The following BCAT1 variants were observed in gnomAD, a reference collection of about 807,000 sequenced individuals.
BCAT1 encodes the protein branched-chain-amino-acid aminotransferase, cytosolic.
In BCAT1, 48 loss-of-function variants were observed where a neutral mutation model predicts 52.4. The ratio of observed to expected loss-of-function variants is 0.92; its 90% confidence interval spans 0.73 to 1.16. BCAT1 has a LOEUF of 1.16. Ranked by LOEUF, BCAT1 falls within the 50% of genes most tolerant of loss-of-function variation. BCAT1 has a pLI of 0.00. For missense variants in BCAT1, 451 were observed against 457.1 expected (o/e 0.99, Z 0.12); for synonymous variants, 167 against 161.3 (o/e 1.04, Z -0.27).
rs1939639369 is a variant in BCAT1 at position 24,810,245 on chromosome 12, C to A, written c.*7763G>T. On this transcript the variant is annotated 3_prime_UTR_variant, in exon 11 of 11. Coordinates refer to ENST00000261192, the MANE Select transcript of BCAT1 (RefSeq NM_005504.7). ...GTTTGGTTACAGAAATGCGATCCTG[C>A]AAGTTGTCACCACTATACATAAAGT... 1.3e-5 allele frequency: 2 copies of A among 152,208 alleles called. No homozygotes were observed. The highest frequency in any genetic ancestry group is 4.1e-4 in the South Asian group (2 of 4,826). 9.4% of individuals were successfully genotyped at this position (152,208 alleles called of 1,614,324 possible).
chr12:24,839,925 T>G (rs534400291), intron 7 of BCAT1, among the ~76,000 whole-genome samples: 1 of 152,340 alleles, frequency 6.6e-6, no homozygotes, highest in South Asian at 2.1e-4. Context: ...TTCTATTTAC[T>G]TCAAATATAT....
chr12:24,912,217 T>TA (rs1943337865), intron 1 of BCAT1, among the ~76,000 whole-genome samples: 2 of 152,116 alleles, frequency 1.3e-5, no homozygotes, highest in South Asian at 2.1e-4. Flanking sequence ...ATGATAAATA[T>TA]AAAAAATTAG....
chr12:24,813,099 C>T lies in BCAT1; in HGVS notation c.*4909G>A, dbSNP rs1939743715. The T allele has an allele frequency of 6.6e-6, 1 of 151,892 alleles. No individual in the cohort carries two copies. Among genetic ancestry groups the T allele is most frequent in the African/African-American group, 2.4e-5 (1 of 41,398 alleles). The allele number at this position is 151,892 out of a possible 1,614,324, so 9.4% of individuals were successfully genotyped here. A position where few individuals can be genotyped will look rare whatever the true frequency, so the allele number is the denominator to read the frequency against. The stretch of plus-strand genomic sequence containing the variant: ...TCAATTTTTAAGACTGATTTCATGC[C>T]TTTATCATTTTGAAGCAAATATGTT... On this transcript the variant is annotated 3_prime_UTR_variant, in exon 11 of 11. Transcript: ENST00000261192.
intron 5 of BCAT1, among the ~76,000 whole-genome samples, chr12:24,860,747 C>CCTGA (rs1052997379): frequency 1.3e-5 from 2 of 152,166 alleles, no homozygotes; most frequent in African/African-American, 4.8e-5. Context: ...TTACAGGGTT[C>CCTGA]CTGACCTGTG....
At chr12:24,879,245 T>C (rs1398411659) in intron 4 of BCAT1, among the ~76,000 whole-genome samples, 1 of 152,174 alleles carries the variant, frequency 6.6e-6, no homozygotes, top group Non-Finnish European at 1.5e-5. Context: ...AGCAACAAAC[T>C]GGGTGAAGTT....
chr12:24,928,452 A>G (rs994463383), intron 1 of BCAT1, among the ~76,000 whole-genome samples: 1 of 152,046 alleles, frequency 6.6e-6, no homozygotes, highest in Non-Finnish European at 1.5e-5. Flanking sequence ...CAGCCTGGGC[A>G]AAAGGGGGAT....
In BCAT1 at chr12:24,849,763, G is replaced by A. The variant is rs755571491; in HGVS notation, c.674+23C>T. Reference sequence around the variant, plus strand: ...TGGTCATGAAGGTGTCTTTCCTTTAGACAGAGACACAGATTTACTTACCCT... The same window carrying A: ...TGGTCATGAAGGTGTCTTTCCTTTAAACAGAGACACAGATTTACTTACCCT... On this transcript the variant is annotated intron_variant, in intron 6 of 10. Transcript: ENST00000261192. 1.9e-6 allele frequency: 3 copies of A among 1,594,764 alleles called. No individual in the cohort carries two copies. The South Asian group carries it at 3.4e-5, about 18-fold the overall frequency.
chr12:24,932,079 A>C (rs1366274803), intron 1 of BCAT1, among the ~76,000 whole-genome samples: 2 of 152,252 alleles, frequency 1.3e-5, no homozygotes, highest in Non-Finnish European at 2.9e-5. Flanking sequence ...ATAAATATAT[A>C]GTAAGGTAAG....
intron 1 of BCAT1, among the ~76,000 whole-genome samples, chr12:24,908,697 C>T (rs184985954): frequency 2.2e-3 from 334 of 152,162 alleles, no homozygotes; most frequent in Middle Eastern, 0.01. Flanking sequence ...GCCAAGATCA[C>T]ACCACTCCAC....
chr12:24,833,514 G>C (rs1323864362), intron 8 of BCAT1, among the ~76,000 whole-genome samples: 1 of 151,984 alleles, frequency 6.6e-6, no homozygotes, highest in Non-Finnish European at 1.5e-5. Context: ...GTGAGACTCT[G>C]TCTCCAAAAA....
chr12:24,865,927 C>T lies in BCAT1; in HGVS notation c.510+12603G>A, dbSNP rs79642368. Among the ~76,000 whole-genome samples, 275 of 152,340 alleles carry T rather than the reference C, an allele frequency of 1.8e-3. 8 individuals carry two copies. In the East Asian group the frequency reaches 0.049, roughly 27 times the overall value. On this transcript the variant is annotated intron_variant, in intron 5 of 10. Coordinates refer to ENST00000261192, the MANE Select transcript of BCAT1 (RefSeq NM_005504.7). ...ATGACAGTGCTGGCAGCCCTCCCAG[C>T]CCTCACTCGCTCTCGGTGCCTCCTC...
intron 1 of BCAT1, chr12:24,945,648 C>T (rs1333129769): frequency 2.6e-5 from 4 of 152,238 alleles, no homozygotes; most frequent in African/African-American, 9.6e-5. Flanking sequence ...GCCTGGCCAA[C>T]ATGGCAAAAC....
At chr12:24,899,466 G>A (rs980330658) in intron 2 of BCAT1, among the ~76,000 whole-genome samples, 1 of 150,068 alleles carries the variant, frequency 6.7e-6, no homozygotes, top group Non-Finnish European at 1.5e-5. Context: ...GTGGAAAATG[G>A]TATGAAGCTT....
At chr12:24,923,335 A>G (rs934890402) in intron 1 of BCAT1, among the ~76,000 whole-genome samples, 5 of 152,180 alleles carry the variant, frequency 3.3e-5, no homozygotes, top group Non-Finnish European at 7.3e-5. Context: ...GAGTAGACTG[A>G]GAAGCCTTGG....
chr12:24,837,266 C>T (rs1220716959), intron 7 of BCAT1, among the ~76,000 whole-genome samples: 2 of 151,544 alleles, frequency 1.3e-5, no homozygotes, highest in Admixed American at 1.3e-4. Context: ...TGAAAATTTA[C>T]CTTAGCAGAT....
At chr12:24,868,971 A>G (rs780321149) in intron 5 of BCAT1, among the ~76,000 whole-genome samples, 4 of 152,232 alleles carry the variant, frequency 2.6e-5, no homozygotes, top group Non-Finnish European at 4.4e-5. Flanking sequence ...CCTAGAATAT[A>G]CAAAGATGCA....
chr12:24,944,360 G>T (rs913717896), intron 1 of BCAT1, among the ~76,000 whole-genome samples: 1 of 152,186 alleles, frequency 6.6e-6, no homozygotes, highest in African/African-American at 2.4e-5. Context: ...TTATGTAGTG[G>T]TGGAATGCTA....
chr12:24,923,299 G>A (rs1167084242), intron 1 of BCAT1, among the ~76,000 whole-genome samples: 1 of 152,150 alleles, frequency 6.6e-6, no homozygotes, highest in Non-Finnish European at 1.5e-5. Context: ...GCAGCCTCAG[G>A]CCTGCTTTAA....
intron 5 of BCAT1, among the ~76,000 whole-genome samples, chr12:24,875,202 T>C (rs1260310211): frequency 6.6e-6 from 1 of 152,154 alleles, no homozygotes; most frequent in Non-Finnish European, 1.5e-5. Context: ...ATATCAAATG[T>C]AGCCACCACG....
Sources: allele counts gnomAD v4.1 joint callset (sites outside exome capture counted in the v4.1 genomes callset), GRCh38; gene constraint gnomAD v4.1.1; transcripts MANE v1.5; gene names NCBI Gene and HGNC (gene_info 2026-07-23, HGNC 2026-07-21).